NFIX: variants seen among roughly 807,000 people sequenced by gnomAD.
The protein encoded by NFIX is nuclear factor I X.
NFIX carries 2 observed loss-of-function variants against 53.3 expected under a neutral mutation model. The observed-to-expected ratio is 0.04, with a 90% CI of 0.02 to 0.12. NFIX has a LOEUF of 0.12. Among genes scored for constraint, NFIX ranks in the 10% least tolerant of loss-of-function variants. The pLI, the probability that NFIX is intolerant of heterozygous loss-of-function variation, is 1.00. For missense variants in NFIX, 310 were observed against 674.5 expected (o/e 0.46, Z 5.99); for synonymous variants, 244 against 289.0 (o/e 0.84, Z 1.58).
Position 13,024,630 on chromosome 19 carries a change from G to C in NFIX, c.28-391G>C, listed in dbSNP as rs959655759. On this transcript the variant is annotated intron_variant, in intron 1 of 10. Coordinates refer to ENST00000592199, the MANE Select transcript of NFIX (RefSeq NM_001365902.3). ...CTGACAGGAGTTCACGGCTGCGATA[G>C]AACATGGAGATGTCATGGGCGCGAC... The C allele has an allele frequency of 7.8e-6, 12 of 1,536,248 alleles. No individual in the cohort carries two copies. The highest frequency in any genetic ancestry group is 1.4e-5 in the African/African-American group (1 of 73,062).
chr19:13,002,606 C>T lies in NFIX; in HGVS notation c.27+6742C>T, dbSNP rs577718313. On this transcript the variant is annotated intron_variant, in intron 1 of 10. Transcript: ENST00000592199. This position sits in a 1 kb window ranked among gnomAD's most constrained non-coding sequence, Gnocchi z 6.1. ...GGTCGGGGGCACGGAGCTGGGGTGT[C>T]TGGCTTCTGGTGGGGCTGGCAGGCC... is the stretch of plus-strand genomic sequence containing the variant. 1.7e-3 allele frequency among the ~76,000 whole-genome samples: 262 copies of T among 152,306 alleles called. No homozygotes were observed. Among genetic ancestry groups the T allele is most frequent in the Non-Finnish European group, 3.0e-3 (204 of 68,016 alleles).
At position 13,037,996 on chromosome 19, in the gene NFIX, C is replaced by T. The variant is rs2014332289; in HGVS notation, c.559+12444C>T. Among the ~76,000 whole-genome samples, 1 of 152,198 alleles carries T rather than the reference C, an allele frequency of 6.6e-6. No individual in the cohort carries two copies. The highest frequency in any genetic ancestry group is 1.5e-5 in the Non-Finnish European group (1 of 68,036). On this transcript the variant is annotated intron_variant, in intron 2 of 10. Transcript: ENST00000592199. The surrounding 1 kb of genome is among the most constrained non-coding windows in gnomAD (Gnocchi z 4.2). Reference sequence around the variant, plus strand: ...TCAGGACGCCTCTTGCCTCTGCTAGCAGAGTGGGCTGCTTGGCTGCCTTCC... The same window carrying T: ...TCAGGACGCCTCTTGCCTCTGCTAGTAGAGTGGGCTGCTTGGCTGCCTTCC...
chr19:13,078,650 C>T lies in NFIX; in HGVS notation c.993C>T (p.Phe331=), dbSNP rs1257123906. 1 of 1,600,716 alleles carries T rather than the reference C, an allele frequency of 6.2e-7. No homozygotes were observed. Among genetic ancestry groups the T allele is most frequent in the African/African-American group, 1.3e-5 (1 of 74,742 alleles). ...TAAAGAAGTCAGGAAAGCTGGACTT[C>T]TGCAGTGCCCTCTCCTCTCAGGGCA... is the stretch of plus-strand genomic sequence containing the variant. ...ASLKKSGKLD[F]CSALSSQGSS... is the part of the protein sequence containing the mutation. The change falls in exon 7 of 11, where the codon TTC becomes TTT. Residue 331 remains phenylalanine, a synonymous_variant. Transcript: ENST00000592199. The surrounding 1 kb of genome is among the most constrained non-coding windows in gnomAD (Gnocchi z 4.7).
Position 13,014,977 on chromosome 19 carries a change from CA to C in NFIX, c.28-10042del, listed in dbSNP as rs1333645528. On this transcript the variant is annotated intron_variant, in intron 1 of 10. Transcript: ENST00000592199. This position sits in a 1 kb window ranked among gnomAD's most constrained non-coding sequence, Gnocchi z 4.4. ...CCTGAAGTGCCTGAGGAAGAAACAG[CA>C]ATGAGAAAGCAATGGGAAAAATGGG... 6.6e-6 allele frequency among the ~76,000 whole-genome samples: 1 copy of C among 152,138 alleles called. No homozygotes were observed. Among genetic ancestry groups the C allele is most frequent in the East Asian group, 1.9e-4 (1 of 5,198 alleles).
At position 13,014,864 on chromosome 19, in the gene NFIX, C is replaced by A. The variant is rs552997777; in HGVS notation, c.28-10157C>A. Among the ~76,000 whole-genome samples the A allele has an allele frequency of 1.3e-5, 2 of 151,824 alleles. No homozygotes were observed. The highest frequency in any genetic ancestry group is 2.1e-4 in the South Asian group (1 of 4,816). On this transcript the variant is annotated intron_variant, in intron 1 of 10. Coordinates refer to ENST00000592199, the MANE Select transcript of NFIX (RefSeq NM_001365902.3). The surrounding 1 kb of genome is among the most constrained non-coding windows in gnomAD (Gnocchi z 4.4). ...AGGGCTGCAGAGGTTCGGCTCTGGG[C>A]TGGTGGTAGGGGGCTGGTGGTAGGC...
At chr19:13,024,972 CT>C in intron 1 of NFIX, 48 bp from the exon 2 acceptor site, 6 of 1,553,342 alleles carry the variant, frequency 3.9e-6, no homozygotes, top group Non-Finnish European at 5.2e-6. Flanking sequence ...CCGTCTTCCC[CT>C]CCTCCCGTCC....
rs1411045403 is a variant in NFIX, at chr19:13,098,677, G to A, written c.*4028G>A. Reference sequence around the variant, plus strand: ...AGCCCGTCTGTTCCCTCTCCGCCCCGCCCCGCCCCGCCCCCGTCACTGCGC... The same window carrying A: ...AGCCCGTCTGTTCCCTCTCCGCCCCACCCCGCCCCGCCCCCGTCACTGCGC... On this transcript the variant is annotated 3_prime_UTR_variant, in exon 11 of 11. Transcript: ENST00000592199. 1 of 136,228 alleles carries A rather than the reference G, an allele frequency of 7.3e-6. No individual in the cohort carries two copies. Among genetic ancestry groups the A allele is most frequent in the African/African-American group, 2.7e-5 (1 of 36,560 alleles). 8.4% of individuals were successfully genotyped at this position (136,228 alleles called of 1,614,324 possible). A position where few individuals can be genotyped will look rare whatever the true frequency, so the allele number is the denominator to read the frequency against.
Position 12,995,836 on chromosome 19 carries a change from C to T in NFIX, c.-2C>T. The T allele has an allele frequency of 1.0e-6, 1 of 1,002,642 alleles. No homozygotes were observed. Among genetic ancestry groups the T allele is most frequent in the Non-Finnish European group, 1.2e-6 (1 of 843,492 alleles). 62.1% of individuals were successfully genotyped at this position (1,002,642 alleles called of 1,614,324 possible). A position where few individuals can be genotyped will look rare whatever the true frequency, so the allele number is the denominator to read the frequency against. On this transcript the variant is annotated 5_prime_UTR_variant, in exon 1 of 11. Transcript: ENST00000592199. ...GCCGCGCTCCCGCCCGGGCGCCCAG[C>T]TATGTACTCCCCGTACTGCCTCACC...
In NFIX at chr19:13,045,751, C is replaced by T. The variant is rs1274719415; in HGVS notation, c.559+20199C>T. 1.3e-5 allele frequency among the ~76,000 whole-genome samples: 2 copies of T among 152,196 alleles called. No homozygotes were observed. The highest frequency in any genetic ancestry group is 4.8e-5 in the African/African-American group (2 of 41,436). On this transcript the variant is annotated intron_variant, in intron 2 of 10. Transcript: ENST00000592199. This position sits in a 1 kb window ranked among gnomAD's most constrained non-coding sequence, Gnocchi z 4.4. ...GGTTGCGCCTGTCCGTTCTCCCTCCCTTTTCTCGTAGGCTTCTTCCTCCTC... is the reference window on the plus strand; with the variant it reads ...GGTTGCGCCTGTCCGTTCTCCCTCCTTTTTCTCGTAGGCTTCTTCCTCCTC...
intron 1 of NFIX, chr19:13,023,846 G>C: frequency 1.7e-6 from 1 of 590,738 alleles, no homozygotes; most frequent in South Asian, 2.1e-5. Context: ...GAGGGGGAAG[G>C]GTTTGAGAAT....
chr19:13,079,666 C>T (rs562251455), intron 7 of NFIX, among the ~76,000 whole-genome samples: 2 of 151,472 alleles, frequency 1.3e-5, no homozygotes, highest in East Asian at 3.9e-4. Flanking sequence ...GTGGTGGCCG[C>T]GAGGTGGGGG....
At position 13,090,750 on chromosome 19, in the gene NFIX, C is replaced by G. The variant is rs77624001; in HGVS notation, c.1494+360C>G. Among the ~76,000 whole-genome samples the G allele has an allele frequency of 6.6e-6, 1 of 152,294 alleles. No homozygotes were observed. Among genetic ancestry groups the G allele is most frequent in the Admixed American group, 6.5e-5 (1 of 15,310 alleles). ...TCTGCCTCACTGCTTTCACCTGCCCCGACTGGAAGCCCCGGCCCCTAGCCC... is the reference window on the plus strand; with the variant it reads ...TCTGCCTCACTGCTTTCACCTGCCCGGACTGGAAGCCCCGGCCCCTAGCCC... On this transcript the variant is annotated intron_variant, in intron 10 of 10. Coordinates refer to ENST00000592199, the MANE Select transcript of NFIX (RefSeq NM_001365902.3). This position sits in a 1 kb window ranked among gnomAD's most constrained non-coding sequence, Gnocchi z 6.6.
intron 2 of NFIX, among the ~76,000 whole-genome samples, chr19:13,056,748 A>G (rs1040484760): frequency 1.3e-5 from 2 of 152,230 alleles, no homozygotes; most frequent in Non-Finnish European, 2.9e-5. Flanking sequence ...TGTGGGGCCC[A>G]GTGCAAAATG....
In NFIX at chr19:13,013,492, C is replaced by T. The variant is rs918566091; in HGVS notation, c.28-11529C>T. ...TGACTCAGCCCGCTGCAGCTGCGCC[C>T]GGGGAGGTGACCCTGGGGCAGCGGC... is the stretch of plus-strand genomic sequence containing the variant. On this transcript the variant is annotated intron_variant, in intron 1 of 10. Coordinates refer to ENST00000592199, the MANE Select transcript of NFIX (RefSeq NM_001365902.3). This position sits in a 1 kb window ranked among gnomAD's most constrained non-coding sequence, Gnocchi z 5.9. 2.0e-5 allele frequency among the ~76,000 whole-genome samples: 3 copies of T among 152,140 alleles called. No homozygotes were observed. The highest frequency in any genetic ancestry group is 7.2e-5 in the African/African-American group (3 of 41,414).
In NFIX at chr19:13,045,814, C is replaced by G. The variant is rs2014947284; in HGVS notation, c.559+20262C>G. Among the ~76,000 whole-genome samples, 1 of 152,212 alleles carries G rather than the reference C, an allele frequency of 6.6e-6. No individual in the cohort carries two copies. Among genetic ancestry groups the G allele is most frequent in the Non-Finnish European group, 1.5e-5 (1 of 68,034 alleles). ...TGGATCCAGGATTGGAGAATTTGCT[C>G]TTGCCCACCTCTCCATGTCCTCGTT... On this transcript the variant is annotated intron_variant, in intron 2 of 10. Transcript: ENST00000592199. This position sits in a 1 kb window ranked among gnomAD's most constrained non-coding sequence, Gnocchi z 4.4.
intron 2 of NFIX, among the ~76,000 whole-genome samples, chr19:13,031,979 C>A (rs1260263285): frequency 6.6e-6 from 1 of 152,138 alleles, no homozygotes; most frequent in Non-Finnish European, 1.5e-5. Flanking sequence ...TCCCTCCACC[C>A]CCGCCCTTCT....
Position 13,010,100 on chromosome 19 carries a change from T to G in NFIX, c.27+14236T>G, listed in dbSNP as rs572979262. Among the ~76,000 whole-genome samples the G allele has an allele frequency of 2.5e-3, 385 of 152,276 alleles. 5 individuals carry two copies. Among genetic ancestry groups the G allele is most frequent in the African/African-American group, 9.0e-3 (374 of 41,548 alleles). On this transcript the variant is annotated intron_variant, in intron 1 of 10. Coordinates refer to ENST00000592199, the MANE Select transcript of NFIX (RefSeq NM_001365902.3). ...CCGCTTTTCCCTTGCTTTCCCCTTC[T>G]TTGTTCCTCCCCCGCCTGCTCCTGG...
intron 2 of NFIX, among the ~76,000 whole-genome samples, chr19:13,064,720 G>A (rs1284245180): frequency 1.3e-5 from 2 of 152,216 alleles, no homozygotes; most frequent in Non-Finnish European, 2.9e-5. Flanking sequence ...AAGAGCGTGA[G>A]CTCCTGGGGA....
intron 6 of NFIX, among the ~76,000 whole-genome samples, chr19:13,075,893 C>T (rs1196725257): frequency 2.0e-5 from 3 of 152,120 alleles, no homozygotes; most frequent in Admixed American, 6.5e-5. Flanking sequence ...CAGCAGAGCC[C>T]GTGGTATGGC....
Sources: allele counts gnomAD v4.1 joint callset (sites outside exome capture counted in the v4.1 genomes callset), GRCh38; gene constraint gnomAD v4.1.1; non-coding constraint Gnocchi (gnomAD v3.1); transcripts MANE v1.5; gene names NCBI Gene and HGNC (gene_info 2026-07-23, HGNC 2026-07-21).